The following NOVA1 variants were observed in gnomAD, a reference collection of about 807,000 sequenced individuals.
NOVA1 encodes RNA-binding protein Nova-1.
Under a neutral mutation model 38.0 loss-of-function variants are expected in NOVA1, and 7 were observed. The ratio of observed to expected loss-of-function variants is 0.18; its 90% confidence interval spans 0.10 to 0.35. The LOEUF (loss-of-function observed/expected upper bound fraction) is 0.35, where lower values mean the gene tolerates loss of function less well. Among genes scored for constraint, NOVA1 ranks in the 10% least tolerant of loss-of-function variants. The pLI is 1.00. For missense variants in NOVA1, 460 were observed against 616.0 expected (o/e 0.75, Z 2.68); for synonymous variants, 270 against 232.5 (o/e 1.16, Z -1.47).
intron 2 of NOVA1, among the ~76,000 whole-genome samples, chr14:26,586,762 A>C (rs1481737077): frequency 1.3e-5 from 2 of 151,190 alleles, no homozygotes; most frequent in African/African-American, 4.8e-5. Context: ...ACCAGGCTAC[A>C]TGCTCCAGGC....
intron 2 of NOVA1, among the ~76,000 whole-genome samples, chr14:26,573,628 G>A (rs1167846789): frequency 2.6e-5 from 4 of 152,110 alleles, no homozygotes; most frequent in Non-Finnish European, 4.4e-5. Flanking sequence ...AGGATTAAAG[G>A]TGAAATTAAA....
intron 2 of NOVA1, among the ~76,000 whole-genome samples, chr14:26,564,622 A>C (rs1036833052): frequency 6.6e-6 from 1 of 152,160 alleles, no homozygotes; most frequent in East Asian, 1.9e-4. Context: ...ATCCATTTTT[A>C]TATCAGGAAA....
chr14:26,534,632 G>A (rs1889947288), intron 2 of NOVA1, among the ~76,000 whole-genome samples: 2 of 152,010 alleles, frequency 1.3e-5, no homozygotes, highest in African/African-American at 2.4e-5. Context: ...TATTCTATAT[G>A]GGCAGGCTGA....
chr14:26,493,957 T>C (rs1471360533), intron 2 of NOVA1, among the ~76,000 whole-genome samples: 3 of 152,178 alleles, frequency 2.0e-5, no homozygotes, highest in Non-Finnish European at 4.4e-5. Flanking sequence ...AGTGGTATCA[T>C]ACCCTTAAAA....
rs887392325 is a variant in NOVA1, at chr14:26,597,802, G to C, written c.-366C>G. On this transcript the variant is annotated 5_prime_UTR_variant, in exon 1 of 5. Coordinates refer to ENST00000539517, the MANE Select transcript of NOVA1 (RefSeq NM_002515.3). ...AGGGGACCGGGGAGGACAGGCAGAG[G>C]GAGTGGGAGAGCGCGAGGGCTGGCG... The C allele has an allele frequency of 1.3e-5, 8 of 600,328 alleles. No individual in the cohort carries two copies. Among genetic ancestry groups the C allele is most frequent in the Admixed American group, 1.2e-4 (2 of 16,242 alleles). 37.2% of individuals were successfully genotyped at this position (600,328 alleles called of 1,614,324 possible). A position where few individuals can be genotyped will look rare whatever the true frequency, so the allele number is the denominator to read the frequency against.
rs543242456 is a variant in NOVA1, at chr14:26,444,860, C to CA, written c.*3098dup. On this transcript the variant is annotated 3_prime_UTR_variant, in exon 5 of 5. Coordinates refer to ENST00000539517, the MANE Select transcript of NOVA1 (RefSeq NM_002515.3). ...ACAAAAAAACAAACAAACAAACAAA[C>CA]AAAAAAAAAACAAAAAAACTGCAAT... The CA allele has an allele frequency of 0.16, 23,132 of 143,736 alleles. 2,503 individuals carry two copies. Among genetic ancestry groups the CA allele is most frequent in the African/African-American group, 0.32 (12,516 of 39,516 alleles). The allele number at this position is 143,736 out of a possible 1,614,324, so 8.9% of individuals were successfully genotyped here.
intron 2 of NOVA1, among the ~76,000 whole-genome samples, chr14:26,515,462 C>T (rs1888395681): frequency 6.6e-6 from 1 of 151,938 alleles, no homozygotes; most frequent in South Asian, 2.1e-4. Context: ...TTGTCAGGCA[C>T]ATAATACATA....
At chr14:26,549,662 G>C (rs765507398) in intron 2 of NOVA1, 1 of 1,145,124 alleles carries the variant, frequency 8.7e-7, no homozygotes, top group South Asian at 1.3e-5. Context: ...GTCTAGGGCA[G>C]GTACACAAGA....
intron 2 of NOVA1, among the ~76,000 whole-genome samples, chr14:26,589,235 G>T (rs540778534): frequency 1.3e-5 from 2 of 151,702 alleles, no homozygotes; most frequent in South Asian, 4.2e-4. Flanking sequence ...GTCTATTTAA[G>T]GGCTGATTAA....
At chr14:26,572,010 G>A (rs1892511788) in intron 2 of NOVA1, among the ~76,000 whole-genome samples, 1 of 152,146 alleles carries the variant, frequency 6.6e-6, no homozygotes, top group African/African-American at 2.4e-5. Context: ...GACTATTGCT[G>A]AGATGGGGAA....
intron 2 of NOVA1, among the ~76,000 whole-genome samples, chr14:26,592,289 T>G (rs1209858008): frequency 6.6e-6 from 1 of 151,360 alleles, no homozygotes; most frequent in African/African-American, 2.4e-5. Flanking sequence ...AGGCATACAA[T>G]AATATATTCC....
chr14:26,587,215 A>G (rs1893570677), intron 2 of NOVA1, among the ~76,000 whole-genome samples: 1 of 150,546 alleles, frequency 6.6e-6, no homozygotes, highest in Non-Finnish European at 1.5e-5. Context: ...ATCTATTTCC[A>G]CAACTCTATG....
intron 2 of NOVA1, among the ~76,000 whole-genome samples, chr14:26,522,354 G>A (rs1025397934): frequency 2.3e-4 from 35 of 152,214 alleles, no homozygotes; most frequent in African/African-American, 7.9e-4. Flanking sequence ...TACATCTGCT[G>A]CAAATTTGTG....
intron 2 of NOVA1, among the ~76,000 whole-genome samples, chr14:26,559,982 T>A (rs1455823806): frequency 6.6e-6 from 1 of 152,086 alleles, no homozygotes; most frequent in Non-Finnish European, 1.5e-5. Context: ...TATATTACAT[T>A]GTATGTATTA....
chr14:26,520,723 AATT>A (rs1211802327), intron 2 of NOVA1, among the ~76,000 whole-genome samples: 3 of 152,102 alleles, frequency 2.0e-5, no homozygotes, highest in Non-Finnish European at 2.9e-5. Flanking sequence ...TGAGGGGACA[AATT>A]TGCAATTATG....
chr14:26,485,971 AC>A (rs887698921), intron 2 of NOVA1, among the ~76,000 whole-genome samples: 1 of 152,194 alleles, frequency 6.6e-6, no homozygotes, highest in Non-Finnish European at 1.5e-5. Flanking sequence ...AAATGTAAAT[AC>A]CAATTAACTC....
intron 2 of NOVA1, among the ~76,000 whole-genome samples, chr14:26,506,691 T>G (rs181173669): frequency 1.3e-5 from 2 of 152,088 alleles, no homozygotes; most frequent in Non-Finnish European, 2.9e-5. Context: ...GGGATTCTCC[T>G]GTATCAGCCT....
intron 2 of NOVA1, among the ~76,000 whole-genome samples, chr14:26,578,128 AAGG>A (rs918930470): frequency 2.0e-5 from 3 of 152,174 alleles, no homozygotes; most frequent in Non-Finnish European, 2.9e-5. Flanking sequence ...GTTATATAAA[AAGG>A]AGGACTGAGA....
chr14:26,595,673 G>T, intron 1 of NOVA1, 120 bp from the exon 2 acceptor site: 1 of 750,644 alleles, frequency 1.3e-6, no homozygotes, highest in Non-Finnish European at 2.0e-6. Context: ...CAGGAAATAT[G>T]AAGTTAAACA....
Sources: gnomAD v4.1 joint callset for allele counts (sites outside exome capture counted in the v4.1 genomes callset) on GRCh38, gnomAD v4.1.1 for gene constraint, MANE v1.5 for transcripts, NCBI Gene and HGNC (gene_info 2026-07-23, HGNC 2026-07-21) for gene names.